CLDN14: variants seen among roughly 807,000 people sequenced by gnomAD.
CLDN14 encodes claudin-14.
CLDN14 carries 2 observed loss-of-function variants against 2.1 expected under a neutral mutation model. That is an observed-to-expected ratio of 0.96 (90% CI 0.39 to 3.01). The LOEUF is 3.01. Among genes scored for constraint, CLDN14 ranks in the 30% most tolerant of loss-of-function variants. The pLI, the probability that CLDN14 is intolerant of heterozygous loss-of-function variation, is 0.09. For synonymous variants in CLDN14, 136 were observed against 154.4 expected (o/e 0.88, Z 0.88); for missense variants, 298 against 328.0 (o/e 0.91, Z 0.71).
At chr21:36,515,849 C>T (rs549976336) in intron 1 of CLDN14, among the ~76,000 whole-genome samples, 206 of 138,886 alleles carry the variant, frequency 1.5e-3, no homozygotes, top group Non-Finnish European at 2.2e-3. Flanking sequence ...TGCATTGGCA[C>T]GATCTTGGCT....
intron 2 of CLDN14, among the ~76,000 whole-genome samples, chr21:36,505,148 CAGTA>C (rs2087121158): frequency 6.6e-6 from 1 of 152,122 alleles, no homozygotes; most frequent in Admixed American, 6.5e-5. Context: ...CAGAAATGGA[CAGTA>C]AGTATCTCAA....
intron 1 of CLDN14, among the ~76,000 whole-genome samples, chr21:36,473,569 A>G (rs1413237486): frequency 6.6e-6 from 1 of 152,222 alleles, no homozygotes. Context: ...TCAGTTTGAG[A>G]TGTCTGTGCC....
intron 1 of CLDN14, among the ~76,000 whole-genome samples, chr21:36,567,151 G>A (rs889128454): frequency 6.6e-6 from 1 of 152,174 alleles, no homozygotes; most frequent in African/African-American, 2.4e-5. Flanking sequence ...CAACTATTAG[G>A]CGGCTTGGAG....
intron 1 of CLDN14, among the ~76,000 whole-genome samples, chr21:36,475,574 T>G (rs980021509): frequency 2.0e-5 from 3 of 152,092 alleles, no homozygotes; most frequent in Admixed American, 6.5e-5. Flanking sequence ...CATTAAAAAT[T>G]ATTTTTCACT....
intron 1 of CLDN14, among the ~76,000 whole-genome samples, chr21:36,555,773 T>C (rs416108): frequency 0.75 from 112,979 of 151,186 alleles, 43,772 homozygotes; most frequent in Non-Finnish European, 0.87. Context: ...GCCAGGCATC[T>C]CCCAATTTTC....
chr21:36,550,088 C>T (rs1428861165), intron 1 of CLDN14, among the ~76,000 whole-genome samples: 4 of 152,152 alleles, frequency 2.6e-5, no homozygotes, highest in South Asian at 2.1e-4. Flanking sequence ...GAATTGGAGT[C>T]GTTGAAGGCT....
intron 2 of CLDN14, among the ~76,000 whole-genome samples, chr21:36,495,206 G>A (rs188154713): frequency 1.3e-5 from 2 of 152,288 alleles, no homozygotes; most frequent in East Asian, 1.9e-4. Flanking sequence ...GTGGACACCT[G>A]TAACCCCAGC....
chr21:36,562,277 A>G (rs1169444096), intron 1 of CLDN14, among the ~76,000 whole-genome samples: 2 of 152,160 alleles, frequency 1.3e-5, no homozygotes, highest in Non-Finnish European at 2.9e-5. Flanking sequence ...ATGGGGCTTC[A>G]TGAGCCTGCA....
intron 1 of CLDN14, among the ~76,000 whole-genome samples, chr21:36,569,838 A>G (rs897907202): frequency 6.6e-6 from 1 of 152,230 alleles, no homozygotes; most frequent in South Asian, 2.1e-4. Flanking sequence ...GTACAACTTC[A>G]GCAGTGAAGG....
chr21:36,575,866 C>A (rs2087738057), intron 1 of CLDN14, among the ~76,000 whole-genome samples: 1 of 152,136 alleles, frequency 6.6e-6, no homozygotes, highest in African/African-American at 2.4e-5. Flanking sequence ...GCTCATAGAC[C>A]CTGTATACGA....
intron 2 of CLDN14, among the ~76,000 whole-genome samples, chr21:36,504,525 G>A (rs1449983099): frequency 6.6e-6 from 1 of 152,076 alleles, no homozygotes; most frequent in Non-Finnish European, 1.5e-5. Flanking sequence ...AAAGACAAAA[G>A]ATATTTTAAC....
chr21:36,576,209 C>A (rs2087740337), intron 1 of CLDN14, among the ~76,000 whole-genome samples: 1 of 152,150 alleles, frequency 6.6e-6, no homozygotes, highest in Non-Finnish European at 1.5e-5. Context: ...ATCATTGACA[C>A]CCAATCTACT....
intron 2 of CLDN14, among the ~76,000 whole-genome samples, chr21:36,504,154 CAT>C (rs1206856127): frequency 6.6e-6 from 1 of 150,562 alleles, no homozygotes; most frequent in Non-Finnish European, 1.5e-5. Flanking sequence ...GCTTGGGCAA[CAT>C]AGCAAAATCC....
intron 1 of CLDN14, among the ~76,000 whole-genome samples, chr21:36,566,662 C>T (rs2087674916): frequency 6.6e-6 from 1 of 152,226 alleles, no homozygotes; most frequent in African/African-American, 2.4e-5. Context: ...TTGATCCCTT[C>T]CAAATGTGGG....
intron 2 of CLDN14, among the ~76,000 whole-genome samples, chr21:36,505,214 G>T (rs990939834): frequency 2.1e-5 from 3 of 139,642 alleles, no homozygotes; most frequent in Non-Finnish European, 4.4e-5. Context: ...CTAATAAAAA[G>T]AAATCAGGAT....
intron 2 of CLDN14, among the ~76,000 whole-genome samples, chr21:36,507,240 A>T (rs2087141622): frequency 1.3e-5 from 2 of 152,208 alleles, no homozygotes; most frequent in South Asian, 4.1e-4. Flanking sequence ...GACATCAACA[A>T]GGAAAAAACA....
At chr21:36,535,264 C>G (rs1407379974) in intron 1 of CLDN14, among the ~76,000 whole-genome samples, 1 of 152,096 alleles carries the variant, frequency 6.6e-6, no homozygotes, top group African/African-American at 2.4e-5. Context: ...GTGGCAGGTG[C>G]CTATAGTCCC....
chr21:36,471,221 AT>A (rs202192020), intron 1 of CLDN14, among the ~76,000 whole-genome samples: 1 of 134,408 alleles, frequency 7.4e-6, no homozygotes, highest in Non-Finnish European at 1.6e-5. Flanking sequence ...ACAAACAAAC[AT>A]AAAAACAAAA....
chr21:36,488,559 C>T (rs141726850), intron 2 of CLDN14, among the ~76,000 whole-genome samples: 18,962 of 151,058 alleles, frequency 0.13, 1,403 homozygotes, highest in Non-Finnish European at 0.17. Context: ...TGTGAGCCAC[C>T]GCGCCCGGCC....
Sources: allele counts gnomAD v4.1 joint callset (sites outside exome capture counted in the v4.1 genomes callset), GRCh38; gene constraint gnomAD v4.1.1; transcripts MANE v1.5; gene names NCBI Gene and HGNC (gene_info 2026-07-23, HGNC 2026-07-21).